ENTREP2: variants seen among roughly 807,000 people sequenced by gnomAD.
ENTREP2 encodes the protein protein ENTREP2.
the ENTREP2 span, among the ~76,000 whole-genome samples, chr15:29,428,717 G>A: frequency 6.6e-6 from 1 of 152,154 alleles, no homozygotes; most frequent in Admixed American, 6.5e-5. Flanking sequence ...CATAATGCAG[G>A]GTTTCCTGTG....
At chr15:29,519,841 C>A in the ENTREP2 span, among the ~76,000 whole-genome samples, 1 of 152,170 alleles carries the variant, frequency 6.6e-6, no homozygotes, top group Admixed American at 6.5e-5. Context: ...ATAGGCAGTT[C>A]CTGCCTTAAT....
the ENTREP2 span, among the ~76,000 whole-genome samples, chr15:29,293,456 CCG>C: frequency 2.0e-5 from 3 of 151,548 alleles, no homozygotes; most frequent in Non-Finnish European, 2.9e-5. Flanking sequence ...CAGGGTTTCA[CCG>C]TTTTAGCCAG....
At chr15:29,657,479 G>GGGCA in the ENTREP2 span, among the ~76,000 whole-genome samples, 18 of 111,446 alleles carry the variant, frequency 1.6e-4, no homozygotes, top group East Asian at 2.9e-4. Context: ...GTCGGCTGGG[G>GGGCA]GGGCGGGGGG....
the ENTREP2 span, among the ~76,000 whole-genome samples, chr15:29,642,767 G>T: frequency 0.051 from 7,745 of 151,848 alleles, 622 homozygotes; most frequent in African/African-American, 0.17. Context: ...CACACGCCAC[G>T]ACACACGGCT....
At chr15:29,606,576 G>A in the ENTREP2 span, among the ~76,000 whole-genome samples, 2 of 151,758 alleles carry the variant, frequency 1.3e-5, no homozygotes, top group African/African-American at 4.8e-5. Context: ...GGCTTATACT[G>A]TCTTTCCTTG....
At chr15:29,203,878 T>C in the ENTREP2 span, among the ~76,000 whole-genome samples, 1 of 152,184 alleles carries the variant, frequency 6.6e-6, no homozygotes, top group Non-Finnish European at 1.5e-5. Context: ...GCATTAAGAT[T>C]GAAGTAGCTA....
the ENTREP2 span, among the ~76,000 whole-genome samples, chr15:29,424,165 T>C: frequency 3.9e-5 from 6 of 152,194 alleles, no homozygotes; most frequent in Non-Finnish European, 5.9e-5. Flanking sequence ...ATAAAGGTAA[T>C]GCAAACCCAA....
the ENTREP2 span, among the ~76,000 whole-genome samples, chr15:29,531,202 G>T: frequency 8.3e-4 from 126 of 152,240 alleles, no homozygotes; most frequent in African/African-American, 2.8e-3. Flanking sequence ...TGACAGTCTC[G>T]CCTTGAGAAG....
At chr15:29,470,446 CCCT>C in the ENTREP2 span, among the ~76,000 whole-genome samples, 1 of 152,210 alleles carries the variant, frequency 6.6e-6, no homozygotes, top group African/African-American at 2.4e-5. Flanking sequence ...CCTCACGCCT[CCCT>C]CCTTCCTGCC....
chr15:29,253,089 T>C, the ENTREP2 span, among the ~76,000 whole-genome samples: 1 of 152,206 alleles, frequency 6.6e-6, no homozygotes, highest in Non-Finnish European at 1.5e-5. Context: ...AAAATAGTCA[T>C]CATATCTATA....
At chr15:29,123,170 G>A in the ENTREP2 span, 1 of 655,568 alleles carries the variant, frequency 1.5e-6, no homozygotes, top group Non-Finnish European at 2.5e-6. Context: ...CCTCGAGAGA[G>A]GGGGTAACAG....
chr15:29,570,413 C>G, the ENTREP2 span: 1 of 888,052 alleles, frequency 1.1e-6, no homozygotes. Flanking sequence ...CGGAACTTGC[C>G]GCCCGCGGTG....
the ENTREP2 span, among the ~76,000 whole-genome samples, chr15:29,370,242 A>C: frequency 6.6e-6 from 1 of 152,236 alleles, no homozygotes; most frequent in African/African-American, 2.4e-5. Context: ...ACTGTCTATA[A>C]GAGATTCACT....
At chr15:29,600,902 C>CCTTTTTTTTTTTT in the ENTREP2 span, among the ~76,000 whole-genome samples, 11 of 123,616 alleles carry the variant, frequency 8.9e-5, no homozygotes, top group African/African-American at 4.0e-4. Flanking sequence ...ATTTTTCTTT[C>CCTTTTTTTTTTTT]TTTTTTTTTT....
chr15:29,163,473 T>A, the ENTREP2 span, among the ~76,000 whole-genome samples: 1 of 150,302 alleles, frequency 6.7e-6, no homozygotes, highest in South Asian at 2.1e-4. Flanking sequence ...GAAAAAAAAA[T>A]AAATAAAAAA....
the ENTREP2 span, among the ~76,000 whole-genome samples, chr15:29,208,628 A>G: frequency 2.8e-4 from 42 of 152,252 alleles, no homozygotes; most frequent in South Asian, 8.5e-3. Context: ...TTCGGAAAAC[A>G]CACAGTTTGG....
chr15:29,272,531 A>G, the ENTREP2 span, among the ~76,000 whole-genome samples: 46 of 152,168 alleles, frequency 3.0e-4, no homozygotes, highest in Non-Finnish European at 5.1e-4. Flanking sequence ...ATAAATTTGG[A>G]AAGAGCTTTA....
the ENTREP2 span, among the ~76,000 whole-genome samples, chr15:29,468,228 G>C: frequency 6.6e-5 from 10 of 152,186 alleles, no homozygotes; most frequent in South Asian, 1.9e-3. Flanking sequence ...GAAATTCCAA[G>C]ACAGCAAATA....
chr15:29,271,702 A>C, the ENTREP2 span, among the ~76,000 whole-genome samples: 1 of 152,122 alleles, frequency 6.6e-6, no homozygotes, highest in Non-Finnish European at 1.5e-5. Context: ...CGACCCTTTC[A>C]TGTAAAATCT....
Sources: allele counts gnomAD v4.1 joint callset (sites outside exome capture counted in the v4.1 genomes callset), GRCh38; gene constraint gnomAD v4.1.1; transcripts MANE v1.5; gene names NCBI Gene and HGNC (gene_info 2026-07-23, HGNC 2026-07-21).